ZNF385B: variants seen among roughly 807,000 people sequenced by gnomAD.
ZNF385B encodes the protein zinc finger protein 533.
In ZNF385B, 23 loss-of-function variants were observed where a neutral mutation model predicts 39.2. The ratio of observed to expected loss-of-function variants is 0.59; its 90% CI spans 0.42 to 0.83. The LOEUF is 0.83. Among genes scored for constraint, ZNF385B ranks in the 40% least tolerant of loss-of-function variants. The probability of loss-of-function intolerance (pLI) is 0.00; values close to 1 mark genes in which losing one functional copy is unlikely to be tolerated. For synonymous variants in ZNF385B, 205 were observed against 222.6 expected, an observed-to-expected ratio of 0.92 and a Z score of 0.70; for missense variants, 552 against 598.9, an observed-to-expected ratio of 0.92 and a Z score of 0.82.
chr2:179,730,147 A>G (rs1203720437), intron 3 of ZNF385B, among the ~76,000 whole-genome samples: 1 of 152,212 alleles, frequency 6.6e-6, no homozygotes, highest in African/African-American at 2.4e-5. Flanking sequence ...CAATTTTAAG[A>G]TTGATTACAC....
At chr2:179,758,962 G>C (rs1447001286) in intron 3 of ZNF385B, among the ~76,000 whole-genome samples, 1 of 152,094 alleles carries the variant, frequency 6.6e-6, no homozygotes, top group African/African-American at 2.4e-5. Context: ...AACTTCTCTT[G>C]TGTTTCCTTC....
At chr2:179,623,804 TTTC>T (rs1690428352) in intron 3 of ZNF385B, among the ~76,000 whole-genome samples, 1 of 152,182 alleles carries the variant, frequency 6.6e-6, no homozygotes, top group Non-Finnish European at 1.5e-5. Context: ...TTTCAACAAA[TTTC>T]TTTTCTGCTG....
rs188480788 is a variant in ZNF385B at position 179,777,302 on chromosome 2, T to C, written c.-154-6630A>G. Among the ~76,000 whole-genome samples, 15 of 152,232 alleles carry C rather than the reference T, an allele frequency of 9.9e-5. 1 individual carries two copies. In the East Asian group the frequency reaches 2.7e-3, roughly 27 times the overall value. On this transcript the variant is annotated intron_variant, in intron 1 of 9. Transcript: ENST00000410066. Reference sequence around the variant, plus strand: ...TTATGCTTATGACATTGAGACTCTATCAGTAGAAGGAAAAATATTTCTTCT... The same window carrying C: ...TTATGCTTATGACATTGAGACTCTACCAGTAGAAGGAAAAATATTTCTTCT...
chr2:179,470,212 A>G (rs535328226), intron 6 of ZNF385B, among the ~76,000 whole-genome samples: 1 of 152,216 alleles, frequency 6.6e-6, no homozygotes, highest in South Asian at 2.1e-4. Flanking sequence ...TGAAACTTCT[A>G]GTCTGAGGTC....
chr2:179,443,246 G>A lies in ZNF385B; in HGVS notation c.*4C>T. ...GGCCTCAAACGTCTTGGGGTTTGCA[G>A]ACGTTAGTACGGAGCAAAGAGGATG... On this transcript the variant is annotated 3_prime_UTR_variant, in exon 10 of 10. Coordinates refer to ENST00000410066, the MANE Select transcript of ZNF385B (RefSeq NM_152520.6). The A allele has an allele frequency of 6.2e-7, 1 of 1,612,278 alleles. No homozygotes were observed. Among genetic ancestry groups the A allele is most frequent in the Non-Finnish European group, 8.5e-7 (1 of 1,180,018 alleles).
At chr2:179,518,669 G>T in intron 4 of ZNF385B, 31 bp from the exon 5 acceptor site, 1 of 1,425,060 alleles carries the variant, frequency 7.0e-7, no homozygotes, top group Non-Finnish European at 9.6e-7. Flanking sequence ...TAGTCAATTT[G>T]TAACTTCAAA....
chr2:179,628,768 T>C (rs1401121989), intron 3 of ZNF385B, among the ~76,000 whole-genome samples: 1 of 152,218 alleles, frequency 6.6e-6, no homozygotes, highest in African/African-American at 2.4e-5. Flanking sequence ...TCTCCATGTA[T>C]TGGCTGGAAT....
At chr2:179,621,163 A>AG in intron 3 of ZNF385B, among the ~76,000 whole-genome samples, 1 of 152,194 alleles carries the variant, frequency 6.6e-6, no homozygotes, top group South Asian at 2.1e-4. Context: ...AAAAAAGGGG[A>AG]GGGGGAAAAA....
At chr2:179,731,779 C>T (rs908732089) in intron 3 of ZNF385B, among the ~76,000 whole-genome samples, 3 of 152,144 alleles carry the variant, frequency 2.0e-5, no homozygotes, top group African/African-American at 7.2e-5. Flanking sequence ...ATAGCAAGAC[C>T]CTGTTTCTAA....
chr2:179,677,181 A>ACTGC (rs1696949127), intron 3 of ZNF385B, among the ~76,000 whole-genome samples: 2 of 152,250 alleles, frequency 1.3e-5, no homozygotes, highest in African/African-American at 2.4e-5. Context: ...CAAAAGAGAC[A>ACTGC]TGCACTCACT....
chr2:179,534,319 T>C (rs940162493), intron 4 of ZNF385B, among the ~76,000 whole-genome samples: 2 of 152,164 alleles, frequency 1.3e-5, no homozygotes, highest in Non-Finnish European at 2.9e-5. Flanking sequence ...ATAAAAGGGA[T>C]AGAAATATTA....
chr2:179,860,960 C>G (rs553477880), intron 1 of ZNF385B, 141 bp downstream of exon 1: 3 of 168,728 alleles, frequency 1.8e-5, no homozygotes, highest in Non-Finnish European at 4.3e-5. Context: ...AGTGCAAACT[C>G]TACCGGGAGG....
At chr2:179,646,842 A>C (rs531816485) in intron 3 of ZNF385B, among the ~76,000 whole-genome samples, 1 of 152,280 alleles carries the variant, frequency 6.6e-6, no homozygotes, top group African/African-American at 2.4e-5. Context: ...TCTGGGGAAA[A>C]TTTTCTGTGA....
intron 3 of ZNF385B, among the ~76,000 whole-genome samples, chr2:179,608,598 T>C (rs1396970816): frequency 6.6e-6 from 1 of 152,230 alleles, no homozygotes; most frequent in African/African-American, 2.4e-5. Context: ...TTTTAATCTT[T>C]ACCTCAGGCT....
At chr2:179,627,685 C>T (rs530388762) in intron 3 of ZNF385B, among the ~76,000 whole-genome samples, 1 of 152,286 alleles carries the variant, frequency 6.6e-6, no homozygotes, top group East Asian at 1.9e-4. Context: ...ATGTTGCAAA[C>T]TGGTAAATAC....
chr2:179,462,616 A>G (rs2105476628), intron 6 of ZNF385B, among the ~76,000 whole-genome samples: 1 of 152,336 alleles, frequency 6.6e-6, no homozygotes, highest in South Asian at 2.1e-4. Flanking sequence ...CAAGATGAAC[A>G]AATGAATTCA....
chr2:179,585,407 T>C (rs1273388756), intron 3 of ZNF385B, among the ~76,000 whole-genome samples: 1 of 152,144 alleles, frequency 6.6e-6, no homozygotes, highest in Admixed American at 6.5e-5. Flanking sequence ...TGATTCAGGG[T>C]GTCTTTATAG....
chr2:179,804,574 C>G (rs543624663), intron 1 of ZNF385B, among the ~76,000 whole-genome samples: 1 of 152,288 alleles, frequency 6.6e-6, no homozygotes, highest in South Asian at 2.1e-4. Flanking sequence ...TGACCATGTG[C>G]AAGTTATTTA....
chr2:179,729,926 C>T (rs1701281299), intron 3 of ZNF385B, among the ~76,000 whole-genome samples: 2 of 152,308 alleles, frequency 1.3e-5, no homozygotes, highest in Admixed American at 1.3e-4. Context: ...TGCAAGTTTC[C>T]TGAGGCCTCC....
Sources: gnomAD v4.1 joint callset for allele counts (sites outside exome capture counted in the v4.1 genomes callset) on GRCh38, gnomAD v4.1.1 for gene constraint, MANE v1.5 for transcripts, NCBI Gene and HGNC (gene_info 2026-07-23, HGNC 2026-07-21) for gene names.